The following UBA2 variants were observed in gnomAD, a reference collection of about 807,000 sequenced individuals.
The protein encoded by UBA2 is ubiquitin like modifier activating enzyme 2.
A neutral mutation model predicts 77.2 loss-of-function variants in UBA2; 11 were observed. The observed-to-expected ratio is 0.14, with a 90% confidence interval of 0.09 to 0.24. The LOEUF is 0.24. UBA2 is among the 10% of genes least tolerant of loss of function. UBA2 has a pLI of 1.00. For missense variants in UBA2, 487 were observed against 781.7 expected, an observed-to-expected ratio of 0.62 and a Z score of 4.50; for synonymous variants, 278 against 276.7, an observed-to-expected ratio of 1.00 and a Z score of -0.05.
intron 6 of UBA2, among the ~76,000 whole-genome samples, chr19:34,442,120 A>G (rs920535902): frequency 9.2e-5 from 14 of 151,824 alleles, no homozygotes; most frequent in Non-Finnish European, 2.1e-4. Flanking sequence ...CTGTGGTCCC[A>G]GCTACTTGGG....
chr19:34,450,572 T>C (rs1445849301), intron 9 of UBA2, among the ~76,000 whole-genome samples: 1 of 152,126 alleles, frequency 6.6e-6, no homozygotes, highest in African/African-American at 2.4e-5. Context: ...GTCCGCCCTA[T>C]GTACACAGAT....
At chr19:34,457,179 A>AAAAAATATATATATATATATATAT (rs1262007864) in intron 12 of UBA2, among the ~76,000 whole-genome samples, 2 of 53,222 alleles carry the variant, frequency 3.8e-5, no homozygotes, top group Non-Finnish European at 6.0e-5. Flanking sequence ...AAAAAAAAAA[A>AAAAAATATATATATATATATATAT]ATATATATAT....
At chr19:34,441,666 A>T (rs2075370872) in intron 6 of UBA2, among the ~76,000 whole-genome samples, 2 of 151,812 alleles carry the variant, frequency 1.3e-5, no homozygotes, top group East Asian at 1.9e-4. Context: ...TTTGGCAAAC[A>T]TTTTTTTTCT....
intron 16 of UBA2, among the ~76,000 whole-genome samples, 173 bp from the exon 17 acceptor site, chr19:34,468,865 TTA>T (rs1345722122): frequency 6.6e-6 from 1 of 152,218 alleles, no homozygotes; most frequent in Non-Finnish European, 1.5e-5. Context: ...AAATAGGTTC[TTA>T]TATAAAACAT....
Position 34,433,328 on chromosome 19 carries a change from T to C in UBA2, c.294-20T>C. ...GGAAGGCTAGTTATTTTGGTGACCT[T>C]TTTTTATTTTGTTTTGTAGCCCTGA... On this transcript the variant is annotated intron_variant, in intron 3 of 16. Transcript: ENST00000246548. 6.3e-7 allele frequency: 1 copy of C among 1,596,068 alleles called. No homozygotes were observed. Among genetic ancestry groups the C allele is most frequent in the African/African-American group, 1.3e-5 (1 of 74,492 alleles).
chr19:34,463,637 T>C (rs1263499021), intron 14 of UBA2, among the ~76,000 whole-genome samples: 1 of 152,140 alleles, frequency 6.6e-6, no homozygotes, highest in Non-Finnish European at 1.5e-5. Context: ...TTTGCTGCTC[T>C]GTTGCCTAGC....
intron 14 of UBA2, among the ~76,000 whole-genome samples, chr19:34,462,635 C>CA (rs200589452): frequency 1.1e-4 from 17 of 148,764 alleles, no homozygotes; most frequent in South Asian, 2.1e-4. Flanking sequence ...GTTAAAAAGC[C>CA]AAAAAAAAAG....
chr19:34,441,004 C>G (rs143687364), intron 6 of UBA2, among the ~76,000 whole-genome samples: 2 of 151,384 alleles, frequency 1.3e-5, no homozygotes, highest in Admixed American at 6.6e-5. Flanking sequence ...CGTGTCTATT[C>G]AGGAATACAA....
chr19:34,431,675 AG>A (rs1317648515), intron 2 of UBA2, among the ~76,000 whole-genome samples, 185 bp from the exon 3 acceptor site: 1 of 152,120 alleles, frequency 6.6e-6, no homozygotes, highest in Non-Finnish European at 1.5e-5. Flanking sequence ...TTATTTTATA[AG>A]TATAAAAGTA....
At chr19:34,454,401 T>C (rs979419251) in intron 11 of UBA2, 43 bp from the exon 12 acceptor site, 1 of 1,587,110 alleles carries the variant, frequency 6.3e-7, no homozygotes. Context: ...TGAAGTTGTT[T>C]TTTAAACAGT....
chr19:34,460,918 A>C (rs1019705746), intron 14 of UBA2, among the ~76,000 whole-genome samples: 2 of 152,182 alleles, frequency 1.3e-5, no homozygotes, highest in African/African-American at 4.8e-5. Flanking sequence ...AGAGTGGGGA[A>C]GCCTTGGTAG....
chr19:34,457,177 A>ATATAT lies in UBA2; in HGVS notation c.1246-1592_1246-1591insTATAT, dbSNP rs1404101062. 8.9e-3 allele frequency among the ~76,000 whole-genome samples: 607 copies of ATATAT among 68,092 alleles called. 1 individual carries two copies. The highest frequency in any genetic ancestry group is 0.014 in the Middle Eastern group (2 of 138). The allele number at this position is 68,092 out of a possible 152,430, so 44.7% of individuals were successfully genotyped here. A position where few individuals can be genotyped will look rare whatever the true frequency, so the allele number is the denominator to read the frequency against. Reference sequence around the variant, plus strand: ...AACCTGGTCTCTACTAAAAAAAAAAAAAATATATATATATATATATATATA... The same window carrying ATATAT: ...AACCTGGTCTCTACTAAAAAAAAAAATATATAAATATATATATATATATATATATA... On this transcript the variant is annotated intron_variant, in intron 12 of 16. Coordinates refer to ENST00000246548, the MANE Select transcript of UBA2 (RefSeq NM_005499.3).
chr19:34,431,882 C>T lies in UBA2; in HGVS notation c.244C>T (p.Gln82Ter). The part of the protein sequence containing the change: ...KAQVAKESVL[Q>*]FYPKANIVAY... The stretch of plus-strand genomic sequence containing the variant: ...CCAGGTTGCCAAGGAAAGTGTACTG[C>T]AGTTTTACCCGAAAGCTAATATCGT... The change falls in exon 3 of 17, where the codon CAG becomes TAG. Residue 82 changes from glutamine (Q) to a stop codon, truncating the protein, a stop_gained. Coordinates refer to ENST00000246548, the MANE Select transcript of UBA2 (RefSeq NM_005499.3). LOFTEE classifies it high-confidence loss of function. The T allele has an allele frequency of 6.2e-7, 1 of 1,613,832 alleles. No homozygotes were observed. The highest frequency in any genetic ancestry group is 8.5e-7 in the Non-Finnish European group (1 of 1,179,870).
At chr19:34,467,532 T>G (rs1198520387) in intron 16 of UBA2, among the ~76,000 whole-genome samples, 1 of 151,582 alleles carries the variant, frequency 6.6e-6, no homozygotes. Context: ...CCCAACGCTT[T>G]GGGAGGCCGA....
intron 4 of UBA2, among the ~76,000 whole-genome samples, chr19:34,434,482 T>C (rs1032732662): frequency 1.3e-5 from 2 of 152,218 alleles, no homozygotes; most frequent in Non-Finnish European, 2.9e-5. Context: ...TAGTTCCAAG[T>C]TGATATTCCA....
chr19:34,444,520 C>G (rs926019272), intron 7 of UBA2, among the ~76,000 whole-genome samples: 6 of 152,152 alleles, frequency 3.9e-5, no homozygotes, highest in African/African-American at 1.4e-4. Context: ...AACTAAGTTA[C>G]AACAGGCCAG....
chr19:34,443,743 T>C, intron 6 of UBA2, 101 bp from the exon 7 acceptor site: 1 of 837,594 alleles, frequency 1.2e-6, no homozygotes, highest in South Asian at 1.5e-5. Context: ...CCCAGCCAGT[T>C]GTTCAGTCTT....
At chr19:34,459,140 T>G (rs955666064) in intron 13 of UBA2, among the ~76,000 whole-genome samples, 3 of 152,220 alleles carry the variant, frequency 2.0e-5, no homozygotes, top group Non-Finnish European at 4.4e-5. Context: ...AGTATTTGAC[T>G]GGAATCTGCA....
At chr19:34,444,376 AAT>A (rs892139728) in intron 7 of UBA2, among the ~76,000 whole-genome samples, 1 of 152,172 alleles carries the variant, frequency 6.6e-6, no homozygotes, top group African/African-American at 2.4e-5. Flanking sequence ...TTACAAAAAA[AAT>A]ATGATTCCGT....
Sources: allele counts gnomAD v4.1 joint callset (sites outside exome capture counted in the v4.1 genomes callset), GRCh38; gene constraint gnomAD v4.1.1; transcripts MANE v1.5; gene names NCBI Gene and HGNC (gene_info 2026-07-23, HGNC 2026-07-21).